Variants in GRM7 observed in about 807,000 individuals in gnomAD.
GRM7 encodes glutamate metabotropic receptor 7, also known as metabotropic glutamate receptor 7.
A neutral mutation model predicts 84.5 loss-of-function variants in GRM7; 35 were observed. The observed-to-expected ratio is 0.41, with a 90% CI of 0.32 to 0.55. The LOEUF (loss-of-function observed/expected upper bound fraction) is 0.55, where lower values mean the gene tolerates loss of function less well. Ranked by LOEUF, GRM7 falls within the 20% of genes least tolerant of loss-of-function variation. The pLI is 0.19. For missense variants in GRM7, 1,003 were observed against 1,194.6 expected, an observed-to-expected ratio of 0.84 and a Z score of 2.36; for synonymous variants, 487 against 455.1, an observed-to-expected ratio of 1.07 and a Z score of -0.89.
chr3:7,135,344 T>C (rs970095915), intron 1 of GRM7, among the ~76,000 whole-genome samples: 1 of 152,280 alleles, frequency 6.6e-6, no homozygotes, highest in East Asian at 1.9e-4. Context: ...TAATAAGAAC[T>C]AAGAGTGAAA....
intron 8 of GRM7, among the ~76,000 whole-genome samples, chr3:7,590,045 A>C (rs1435955963): frequency 6.6e-6 from 1 of 152,148 alleles, no homozygotes; most frequent in Non-Finnish European, 1.5e-5. Context: ...TTATTCCTTC[A>C]GTGTCTACCA....
chr3:6,868,833 T>A (rs1179520418), intron 1 of GRM7, among the ~76,000 whole-genome samples: 62 of 152,140 alleles, frequency 4.1e-4, no homozygotes, highest in Non-Finnish European at 2.9e-4. Context: ...AATGGGTTAT[T>A]TTGCCTCTTG....
At chr3:6,909,209 C>T (rs1479485460) in intron 1 of GRM7, among the ~76,000 whole-genome samples, 1 of 152,104 alleles carries the variant, frequency 6.6e-6, no homozygotes, top group Non-Finnish European at 1.5e-5. Context: ...TTAGGGCAAA[C>T]TTTTGCATCC....
At chr3:6,935,476 A>G (rs1697654306) in intron 1 of GRM7, among the ~76,000 whole-genome samples, 1 of 151,856 alleles carries the variant, frequency 6.6e-6, no homozygotes, top group South Asian at 2.1e-4. Context: ...ATAGTATTTT[A>G]ATATATATTC....
chr3:7,245,431 G>C (rs1575075385), intron 2 of GRM7, among the ~76,000 whole-genome samples: 2 of 151,832 alleles, frequency 1.3e-5, no homozygotes, highest in East Asian at 3.9e-4. Flanking sequence ...AAAATGAAAA[G>C]AGATAACGAC....
intron 7 of GRM7, among the ~76,000 whole-genome samples, chr3:7,576,513 C>T (rs1263202660): frequency 6.6e-6 from 1 of 152,226 alleles, no homozygotes; most frequent in Non-Finnish European, 1.5e-5. Context: ...AGTTCACATT[C>T]AAGCGTTGAT....
chr3:7,171,588 G>T (rs1309074920), intron 2 of GRM7, among the ~76,000 whole-genome samples: 1 of 152,056 alleles, frequency 6.6e-6, no homozygotes, highest in East Asian at 1.9e-4. Context: ...AAATATGGGT[G>T]GATATCTACC....
At chr3:7,468,670 G>A (rs1698561568) in intron 7 of GRM7, among the ~76,000 whole-genome samples, 1 of 152,178 alleles carries the variant, frequency 6.6e-6, no homozygotes, top group Non-Finnish European at 1.5e-5. Context: ...GGGGGCATCT[G>A]TAATACCCAC....
intron 6 of GRM7, among the ~76,000 whole-genome samples, chr3:7,460,099 TAAAAAAAAAAAA>T (rs71066013): frequency 1.2e-4 from 6 of 49,550 alleles, no homozygotes; most frequent in South Asian, 1.3e-3. Context: ...CTTAAAATAG[TAAAAAAAAAAAA>T]AAAAAAAAAA....
At chr3:7,138,304 A>ACGTT (rs1356298315) in intron 1 of GRM7, among the ~76,000 whole-genome samples, 2 of 151,994 alleles carry the variant, frequency 1.3e-5, no homozygotes, top group Admixed American at 1.3e-4. Flanking sequence ...AATCAACAAG[A>ACGTT]CGTTAGACCC....
chr3:7,218,321 A>T (rs2124867494), intron 2 of GRM7, among the ~76,000 whole-genome samples: 1 of 152,278 alleles, frequency 6.6e-6, no homozygotes, highest in South Asian at 2.1e-4. Flanking sequence ...TTGGCAATAA[A>T]GGGCGTTGCC....
intron 1 of GRM7, among the ~76,000 whole-genome samples, chr3:7,122,949 C>A (rs769160508): frequency 1.3e-5 from 2 of 152,142 alleles, no homozygotes; most frequent in Admixed American, 6.5e-5. Context: ...AGCTATAAAA[C>A]AAGCATTCCT....
chr3:7,161,008 G>T (rs1318508323), intron 2 of GRM7, among the ~76,000 whole-genome samples: 2 of 152,100 alleles, frequency 1.3e-5, no homozygotes, highest in East Asian at 1.9e-4. Flanking sequence ...GGGATTTATT[G>T]TTAACCACCA....
intron 5 of GRM7, among the ~76,000 whole-genome samples, chr3:7,438,234 C>T (rs1013812394): frequency 1.3e-5 from 2 of 151,948 alleles, no homozygotes; most frequent in Admixed American, 1.3e-4. Context: ...GGAGGCCATA[C>T]AGCAGTCCAG....
intron 7 of GRM7, among the ~76,000 whole-genome samples, chr3:7,501,025 C>T (rs907498618): frequency 1.3e-5 from 2 of 152,154 alleles, no homozygotes; most frequent in African/African-American, 4.8e-5. Flanking sequence ...GGATTTTAGG[C>T]TTTTATTGCA....
At chr3:7,208,163 C>T (rs1418030229) in intron 2 of GRM7, among the ~76,000 whole-genome samples, 1 of 152,184 alleles carries the variant, frequency 6.6e-6, no homozygotes, top group East Asian at 1.9e-4. Flanking sequence ...CGATACCTCT[C>T]CAAAAGTCTC....
chr3:6,963,115 T>C (rs1026268564), intron 1 of GRM7, among the ~76,000 whole-genome samples: 2 of 152,326 alleles, frequency 1.3e-5, no homozygotes, highest in East Asian at 3.9e-4. Context: ...CTTATTTTCT[T>C]TGGAGATGTT....
intron 4 of GRM7, among the ~76,000 whole-genome samples, chr3:7,314,897 AT>A (rs1700529180): frequency 6.6e-6 from 1 of 151,926 alleles, no homozygotes; most frequent in Admixed American, 6.6e-5. Flanking sequence ...TAGAAATAGG[AT>A]TTTCCACTTT....
intron 4 of GRM7, among the ~76,000 whole-genome samples, chr3:7,327,684 T>G (rs1014946083): frequency 6.6e-6 from 1 of 152,212 alleles, no homozygotes; most frequent in African/African-American, 2.4e-5. Flanking sequence ...CTTTTGCTCT[T>G]TAATCTCTAA....
Sources: gnomAD v4.1 joint callset for allele counts (sites outside exome capture counted in the v4.1 genomes callset) on GRCh38, gnomAD v4.1.1 for gene constraint, MANE v1.5 for transcripts, NCBI Gene and HGNC (gene_info 2026-07-23, HGNC 2026-07-21) for gene names.